The following DENND1B variants were observed in gnomAD, a reference collection of about 807,000 sequenced individuals.
DENND1B encodes the protein DENN domain containing 1B.
A neutral mutation model predicts 90.1 loss-of-function variants in DENND1B; 59 were observed. The observed-to-expected ratio is 0.65, with a 90% confidence interval of 0.53 to 0.81. DENND1B has a LOEUF of 0.81. Among genes scored for constraint, DENND1B ranks in the 40% least tolerant of loss-of-function variants. The pLI is 0.00. For synonymous variants in DENND1B, 337 were observed against 324.6 expected, an observed-to-expected ratio of 1.04 and a Z score of -0.41; for missense variants, 862 against 912.6, an observed-to-expected ratio of 0.94 and a Z score of 0.71.
chr1:197,588,369 T>A (rs986969208), intron 14 of DENND1B, among the ~76,000 whole-genome samples: 1 of 152,178 alleles, frequency 6.6e-6, no homozygotes, highest in African/African-American at 2.4e-5. Context: ...TAGAAAACTT[T>A]GTAAGAACAA....
intron 20 of DENND1B, among the ~76,000 whole-genome samples, chr1:197,518,227 T>TCC (rs1198958635): frequency 6.6e-6 from 1 of 151,868 alleles, no homozygotes; most frequent in East Asian, 1.9e-4. Flanking sequence ...GAAGGTCCTG[T>TCC]GGGGGTTATC....
chr1:197,519,012 T>C (rs1668588695), intron 20 of DENND1B, among the ~76,000 whole-genome samples: 1 of 151,946 alleles, frequency 6.6e-6, no homozygotes, highest in Non-Finnish European at 1.5e-5. Flanking sequence ...AGAAATTAAC[T>C]TGTGAAAGAC....
chr1:197,723,137 G>C (rs576253146), intron 2 of DENND1B, among the ~76,000 whole-genome samples: 32 of 152,226 alleles, frequency 2.1e-4, no homozygotes, highest in African/African-American at 7.5e-4. Flanking sequence ...CTAAGGTAAT[G>C]AAAATGGAAC....
At chr1:197,620,441 G>A (rs1455896883) in intron 10 of DENND1B, among the ~76,000 whole-genome samples, 1 of 151,110 alleles carries the variant, frequency 6.6e-6, no homozygotes, top group Non-Finnish European at 1.5e-5. Flanking sequence ...AGAACTCTAT[G>A]CTAGATGATC....
At chr1:197,517,435 C>T (rs746874187) in intron 20 of DENND1B, among the ~76,000 whole-genome samples, 11 of 151,868 alleles carry the variant, frequency 7.2e-5, no homozygotes, top group Non-Finnish European at 1.0e-4. Flanking sequence ...TTATATTTGT[C>T]CTGATTTGTC....
At chr1:197,727,743 G>C (rs1661778218) in intron 2 of DENND1B, among the ~76,000 whole-genome samples, 1 of 152,042 alleles carries the variant, frequency 6.6e-6, no homozygotes, top group Admixed American at 6.6e-5. Context: ...ATATATCTTA[G>C]ATCAGCGGTA....
At chr1:197,538,886 T>C (rs1301040921) in intron 20 of DENND1B, among the ~76,000 whole-genome samples, 1 of 151,706 alleles carries the variant, frequency 6.6e-6, no homozygotes, top group African/African-American at 2.4e-5. Context: ...TATAAAAGGG[T>C]GAGTTTGGCC....
chr1:197,526,194 C>G (rs1436747984), intron 20 of DENND1B, among the ~76,000 whole-genome samples: 1 of 151,990 alleles, frequency 6.6e-6, no homozygotes, highest in Admixed American at 6.5e-5. Context: ...TCTTGGGGGA[C>G]ACTAATAGGC....
intron 3 of DENND1B, among the ~76,000 whole-genome samples, chr1:197,707,394 A>T (rs1659657332): frequency 6.6e-6 from 1 of 151,946 alleles, no homozygotes; most frequent in Non-Finnish European, 1.5e-5. Context: ...TTTATCACAT[A>T]TTTTCAAATA....
chr1:197,552,802 G>T, intron 16 of DENND1B: 1 of 1,317,890 alleles, frequency 7.6e-7, no homozygotes, highest in Non-Finnish European at 9.6e-7. Flanking sequence ...GAGGCCAACA[G>T]CTGCCAATTC....
At chr1:197,597,229 A>C (rs1675782631) in intron 13 of DENND1B, among the ~76,000 whole-genome samples, 2 of 151,800 alleles carry the variant, frequency 1.3e-5, no homozygotes, top group African/African-American at 4.8e-5. Flanking sequence ...AATCTAAATT[A>C]ATGTCCTTTA....
Position 197,505,534 on chromosome 1 carries a change from T to C in DENND1B, c.*4926A>G, listed in dbSNP as rs1364898189. The stretch of plus-strand genomic sequence containing the variant: ...CTTGAAAAAAACATAGCATTCTGGA[T>C]ATAAAGCATTCTGTTAACATTGCTC... On this transcript the variant is annotated 3_prime_UTR_variant, in exon 23 of 23. Coordinates refer to ENST00000620048, the MANE Select transcript of DENND1B (RefSeq NM_001195215.2). The C allele has an allele frequency of 6.6e-6, 1 of 151,704 alleles. No individual in the cohort carries two copies. The highest frequency in any genetic ancestry group is 1.5e-5 in the Non-Finnish European group (1 of 67,764). The allele number at this position is 151,704 out of a possible 1,614,324, so 9.4% of individuals were successfully genotyped here. A position where few individuals can be genotyped will look rare whatever the true frequency, so the allele number is the denominator to read the frequency against.
At chr1:197,610,127 TAAATA>T (rs1677048047) in intron 12 of DENND1B, among the ~76,000 whole-genome samples, 1 of 150,676 alleles carries the variant, frequency 6.6e-6, no homozygotes, top group African/African-American at 2.4e-5. Flanking sequence ...ATAAACCAAT[TAAATA>T]AAATAAGGCT....
At chr1:197,632,834 A>C (rs1432057451) in intron 10 of DENND1B, among the ~76,000 whole-genome samples, 1 of 152,148 alleles carries the variant, frequency 6.6e-6, no homozygotes, top group Non-Finnish European at 1.5e-5. Flanking sequence ...AGAGGAAGTT[A>C]ATCTACTGGC....
chr1:197,646,846 T>C (rs778364568), intron 8 of DENND1B, among the ~76,000 whole-genome samples: 1 of 152,108 alleles, frequency 6.6e-6, no homozygotes, highest in Non-Finnish European at 1.5e-5. Context: ...TTATTTGGAA[T>C]AGTTTTTAAT....
intron 15 of DENND1B, among the ~76,000 whole-genome samples, chr1:197,574,137 G>C (rs184738574): frequency 6.6e-6 from 1 of 152,198 alleles, no homozygotes; most frequent in African/African-American, 2.4e-5. Context: ...ATTAGGAAAA[G>C]AGGAAGTCAA....
chr1:197,769,518 T>A (rs1656135353), intron 2 of DENND1B, among the ~76,000 whole-genome samples: 1 of 152,166 alleles, frequency 6.6e-6, no homozygotes, highest in African/African-American at 2.4e-5. Context: ...AGCCCTCCAA[T>A]GACACCATTA....
chr1:197,529,278 AT>A (rs1219605276), intron 20 of DENND1B, among the ~76,000 whole-genome samples: 1 of 141,496 alleles, frequency 7.1e-6, no homozygotes, highest in African/African-American at 2.7e-5. Flanking sequence ...GTATATGTAT[AT>A]ATGTATATAT....
At chr1:197,529,898 C>T (rs1353775793) in intron 20 of DENND1B, among the ~76,000 whole-genome samples, 1 of 152,032 alleles carries the variant, frequency 6.6e-6, no homozygotes, top group Non-Finnish European at 1.5e-5. Context: ...ACTCACTGGC[C>T]CTGTTTTCAA....
Sources: gnomAD v4.1 joint callset for allele counts (sites outside exome capture counted in the v4.1 genomes callset) on GRCh38, gnomAD v4.1.1 for gene constraint, MANE v1.5 for transcripts, NCBI Gene and HGNC (gene_info 2026-07-23, HGNC 2026-07-21) for gene names.